Variants in SCAPER observed in about 807,000 individuals in gnomAD.
SCAPER encodes the protein S-phase cyclin A associated protein in the ER, also known as S phase cyclin A-associated protein in the endoplasmic reticulum.
SCAPER carries 98 observed loss-of-function variants against 182.2 expected under a neutral mutation model. The observed-to-expected ratio is 0.54, with a 90% CI of 0.46 to 0.64. The LOEUF (loss-of-function observed/expected upper bound fraction) is 0.64. SCAPER is among the 30% of genes least tolerant of loss of function. The pLI, the probability that SCAPER is intolerant of heterozygous loss-of-function variation, is 0.00. For missense variants in SCAPER, 1,432 were observed against 1,690.0 expected, an observed-to-expected ratio of 0.85 and a Z score of 2.68; for synonymous variants, 605 against 564.6, an observed-to-expected ratio of 1.07 and a Z score of -1.01.
At chr15:76,822,899 T>C (rs1231443093) in intron 5 of SCAPER, among the ~76,000 whole-genome samples, 1 of 152,198 alleles carries the variant, frequency 6.6e-6, no homozygotes, top group Admixed American at 6.5e-5. Flanking sequence ...TGTCATTTAA[T>C]TGCATTTAAA....
chr15:76,382,389 T>C (rs573628250), intron 27 of SCAPER, among the ~76,000 whole-genome samples: 129 of 151,470 alleles, frequency 8.5e-4, no homozygotes, highest in Non-Finnish European at 1.6e-3. Flanking sequence ...AATTTTTCCC[T>C]TCTTTTCACA....
chr15:76,472,877 A>C lies in SCAPER; in HGVS notation c.2955-1542T>G, dbSNP rs566071980. ...AAATCCCTTGTGGTATGAAATAACA[A>C]ATTAGTTGTTATGTCCTCTTTTCCC... On this transcript the variant is annotated intron_variant, in intron 24 of 31. Coordinates refer to ENST00000563290, the MANE Select transcript of SCAPER (RefSeq NM_020843.4). 8.5e-5 allele frequency among the ~76,000 whole-genome samples: 13 copies of C among 152,254 alleles called. No individual in the cohort carries two copies. In the South Asian group the frequency reaches 2.7e-3, roughly 32 times the overall value.
chr15:76,849,202 G>T (rs2070457869), intron 4 of SCAPER, among the ~76,000 whole-genome samples: 3 of 152,186 alleles, frequency 2.0e-5, no homozygotes, highest in African/African-American at 7.2e-5. Flanking sequence ...CCCAGTGGCT[G>T]AACACCCTCA....
At chr15:76,441,713 A>T (rs916472911) in intron 25 of SCAPER, among the ~76,000 whole-genome samples, 7 of 152,158 alleles carry the variant, frequency 4.6e-5, no homozygotes, top group African/African-American at 1.7e-4. Context: ...AGAGTGTCTT[A>T]TTTAAAGTAA....
chr15:76,727,161 TTAAAA>T (rs2060645122), intron 17 of SCAPER, among the ~76,000 whole-genome samples: 1 of 152,032 alleles, frequency 6.6e-6, no homozygotes, highest in Admixed American at 6.6e-5. Context: ...TGCTCATAAA[TTAAAA>T]TATTCAACAT....
chr15:76,433,906 A>G (rs1197315230), intron 26 of SCAPER, among the ~76,000 whole-genome samples, 172 bp downstream of exon 26: 1 of 152,238 alleles, frequency 6.6e-6, no homozygotes, highest in Non-Finnish European at 1.5e-5. Context: ...GCAGCAATGG[A>G]GTGAAGGTGA....
intron 5 of SCAPER, among the ~76,000 whole-genome samples, chr15:76,839,488 T>C (rs2069251743): frequency 6.6e-6 from 1 of 152,220 alleles, no homozygotes; most frequent in African/African-American, 2.4e-5. Context: ...AGCATGTGCT[T>C]AGACCAAACG....
intron 23 of SCAPER, among the ~76,000 whole-genome samples, chr15:76,569,366 TA>T (rs1381411300): frequency 6.6e-6 from 1 of 152,166 alleles, no homozygotes; most frequent in Non-Finnish European, 1.5e-5. Flanking sequence ...AAAGCAAACT[TA>T]AATATCTTGA....
intron 26 of SCAPER, among the ~76,000 whole-genome samples, chr15:76,428,869 T>TATA (rs1485720278): frequency 8.0e-6 from 1 of 125,478 alleles, no homozygotes; most frequent in Admixed American, 7.7e-5. Context: ...CATTATACTA[T>TATA]ATATATATAT....
At chr15:76,438,190 G>A (rs971327009) in intron 25 of SCAPER, among the ~76,000 whole-genome samples, 2 of 149,688 alleles carry the variant, frequency 1.3e-5, no homozygotes, top group African/African-American at 4.9e-5. Context: ...GCTGAGGCAG[G>A]AGAATTGCTT....
chr15:76,508,755 A>G (rs1487472942), intron 23 of SCAPER, among the ~76,000 whole-genome samples: 1 of 152,146 alleles, frequency 6.6e-6, no homozygotes, highest in Non-Finnish European at 1.5e-5. Flanking sequence ...TATACTGTTC[A>G]ATCAAACTTG....
chr15:76,398,192 C>G (rs1351185797), intron 27 of SCAPER, among the ~76,000 whole-genome samples: 1 of 152,180 alleles, frequency 6.6e-6, no homozygotes, highest in East Asian at 1.9e-4. Context: ...TAAAAAACAG[C>G]TAATCCCCAC....
intron 25 of SCAPER, among the ~76,000 whole-genome samples, chr15:76,436,877 T>A (rs2047234084): frequency 6.6e-6 from 1 of 152,190 alleles, no homozygotes; most frequent in Non-Finnish European, 1.5e-5. Context: ...GCTTTTAATA[T>A]TTATAAGTCT....
chr15:76,565,970 G>C (rs1234551076), intron 23 of SCAPER, among the ~76,000 whole-genome samples: 1 of 152,116 alleles, frequency 6.6e-6, no homozygotes, highest in African/African-American at 2.4e-5. Context: ...GGGATCAAAA[G>C]AGATTCCTAG....
chr15:76,423,727 G>C (rs2046221642), intron 26 of SCAPER, among the ~76,000 whole-genome samples: 1 of 152,142 alleles, frequency 6.6e-6, no homozygotes, highest in Admixed American at 6.5e-5. Flanking sequence ...GTCAATTTTA[G>C]ATCTTTCCTG....
chr15:76,773,449 T>C (rs1050759013), intron 9 of SCAPER, among the ~76,000 whole-genome samples: 5 of 151,980 alleles, frequency 3.3e-5, no homozygotes, highest in African/African-American at 1.2e-4. Context: ...GCAAAAATGC[T>C]AGCTGTTGGT....
chr15:76,898,254 T>G (rs2074543209), intron 1 of SCAPER, among the ~76,000 whole-genome samples: 1 of 151,778 alleles, frequency 6.6e-6, no homozygotes, highest in Non-Finnish European at 1.5e-5. Context: ...ACAAAACAAC[T>G]GTTGGAGAAG....
chr15:76,810,209 A>G (rs1291561217), intron 5 of SCAPER, among the ~76,000 whole-genome samples: 1 of 152,164 alleles, frequency 6.6e-6, no homozygotes, highest in African/African-American at 2.4e-5. Context: ...AGAACATTTT[A>G]TGACTATAAC....
chr15:76,553,450 C>T (rs66920037), intron 23 of SCAPER, among the ~76,000 whole-genome samples: 23,839 of 152,224 alleles, frequency 0.16, 2,292 homozygotes, highest in Middle Eastern at 0.23. Flanking sequence ...TGCCCCACTC[C>T]CACAGGTGTC....
Sources: allele counts gnomAD v4.1 joint callset (sites outside exome capture counted in the v4.1 genomes callset), GRCh38; gene constraint gnomAD v4.1.1; transcripts MANE v1.5; gene names NCBI Gene and HGNC (gene_info 2026-07-23, HGNC 2026-07-21).